The following ANKDD1B variants were observed in gnomAD, a reference collection of about 807,000 sequenced individuals.
ANKDD1B encodes ankyrin repeat and death domain-containing protein 1B.
Under a neutral mutation model 59.7 loss-of-function variants are expected in ANKDD1B, and 57 were observed. That is an observed-to-expected ratio of 0.95 (90% CI 0.77 to 1.19). The LOEUF (loss-of-function observed/expected upper bound fraction) is 1.19, where lower values mean the gene tolerates loss of function less well. Among genes scored for constraint, ANKDD1B ranks in the 50% most tolerant of loss-of-function variants. The pLI is 0.00. For missense variants in ANKDD1B, 602 were observed against 641.9 expected, an observed-to-expected ratio of 0.94 and a Z score of 0.67; for synonymous variants, 216 against 239.5, an observed-to-expected ratio of 0.90 and a Z score of 0.91.
At chr5:75,651,400 T>C (rs948548793) in intron 7 of ANKDD1B, among the ~76,000 whole-genome samples, 1 of 152,254 alleles carries the variant, frequency 6.6e-6, no homozygotes. Context: ...ATTTGGAGGA[T>C]GGCAGGAGTG....
chr5:75,629,900 T>A (rs1774103779), intron 5 of ANKDD1B, among the ~76,000 whole-genome samples: 1 of 152,232 alleles, frequency 6.6e-6, no homozygotes, highest in South Asian at 2.1e-4. Context: ...ATCATGCCAC[T>A]GCATTTCAGC....
chr5:75,619,123 C>T (rs1214093502), intron 2 of ANKDD1B, among the ~76,000 whole-genome samples: 7 of 152,236 alleles, frequency 4.6e-5, no homozygotes, highest in South Asian at 2.1e-4. Flanking sequence ...ATGGAGTCAC[C>T]GATATTAAGA....
intron 12 of ANKDD1B, among the ~76,000 whole-genome samples, chr5:75,668,450 T>A (rs1775371959): frequency 6.6e-6 from 1 of 152,208 alleles, no homozygotes; most frequent in South Asian, 2.1e-4. Flanking sequence ...ACAGAGGACT[T>A]GTCCAGGAGT....
In ANKDD1B at chr5:75,611,468, G is replaced by T; in HGVS notation, c.-167G>T. On this transcript the variant is annotated 5_prime_UTR_variant, in exon 1 of 14. Coordinates refer to ENST00000601380, the MANE Select transcript of ANKDD1B (RefSeq NM_001276713.2). ...CTAGGGGCTTGTTGCCCAGCGAACC[G>T]CCACAACAGAGAGCGGACTCGATCC... The T allele has an allele frequency of 2.1e-6, 1 of 466,536 alleles. No homozygotes were observed. The highest frequency in any genetic ancestry group is 3.5e-6 in the Non-Finnish European group (1 of 289,592). 28.9% of individuals were successfully genotyped at this position (466,536 alleles called of 1,614,324 possible). A position where few individuals can be genotyped will look rare whatever the true frequency, so the allele number is the denominator to read the frequency against.
chr5:75,642,486 G>A (rs61649644), intron 7 of ANKDD1B, among the ~76,000 whole-genome samples: 7,943 of 136,950 alleles, frequency 0.058, 282 homozygotes, highest in East Asian at 0.24. Context: ...AAGGGGTGAC[G>A]GACGCACCTG....
At chr5:75,658,807 C>A (rs1474575019) in intron 9 of ANKDD1B, among the ~76,000 whole-genome samples, 1 of 152,046 alleles carries the variant, frequency 6.6e-6, no homozygotes, top group African/African-American at 2.4e-5. Flanking sequence ...TAAAATCCAC[C>A]ATTTTAACCA....
intron 5 of ANKDD1B, among the ~76,000 whole-genome samples, chr5:75,631,235 G>T (rs1163165257): frequency 6.6e-6 from 1 of 152,188 alleles, no homozygotes; most frequent in Admixed American, 6.5e-5. Flanking sequence ...ATTATTTGTG[G>T]TCTCTGTGCA....
intron 9 of ANKDD1B, 130 bp downstream of exon 9, chr5:75,656,257 C>T (rs1351942631): frequency 2.0e-6 from 1 of 507,830 alleles, no homozygotes; most frequent in Non-Finnish European, 3.5e-6. Flanking sequence ...TCCTTTTTAT[C>T]CTTTTCCTTC....
intron 1 of ANKDD1B, among the ~76,000 whole-genome samples, chr5:75,614,569 A>AC (rs1180998213): frequency 6.6e-6 from 1 of 152,132 alleles, no homozygotes; most frequent in African/African-American, 2.4e-5. Flanking sequence ...CCATCTTGTA[A>AC]CCCCTTCATT....
At chr5:75,620,861 T>C (rs999611814) in intron 3 of ANKDD1B, among the ~76,000 whole-genome samples, 2 of 152,188 alleles carry the variant, frequency 1.3e-5, no homozygotes, top group African/African-American at 4.8e-5. Flanking sequence ...CTCCATCGTC[T>C]CCATGATCAG....
At chr5:75,623,037 C>T (rs1285298382) in intron 3 of ANKDD1B, among the ~76,000 whole-genome samples, 1 of 152,072 alleles carries the variant, frequency 6.6e-6, no homozygotes, top group Non-Finnish European at 1.5e-5. Flanking sequence ...AATAGATCTC[C>T]TATCAAAGAG....
chr5:75,662,442 A>C (rs1406380268), intron 10 of ANKDD1B, among the ~76,000 whole-genome samples: 1 of 152,152 alleles, frequency 6.6e-6, no homozygotes, highest in East Asian at 1.9e-4. Context: ...GTAAGATAAT[A>C]CTTGGGATAT....
rs568963933 is a variant in ANKDD1B, at chr5:75,630,507, C to A, written c.601-4391C>A. ...ATGTTTCATCTGTGGTAACTGTAGTCTTTTCTCAGAACCTCCCATCTCTTA... is the reference window on the plus strand; with the variant it reads ...ATGTTTCATCTGTGGTAACTGTAGTATTTTCTCAGAACCTCCCATCTCTTA... On this transcript the variant is annotated intron_variant, in intron 5 of 13. Coordinates refer to ENST00000601380, the MANE Select transcript of ANKDD1B (RefSeq NM_001276713.2). 3.3e-5 allele frequency among the ~76,000 whole-genome samples: 5 copies of A among 152,304 alleles called. No homozygotes were observed. In the East Asian group the frequency reaches 9.6e-4, roughly 29 times the overall value.
intron 7 of ANKDD1B, among the ~76,000 whole-genome samples, chr5:75,647,395 A>T: frequency 7.8e-6 from 1 of 127,906 alleles, no homozygotes. Context: ...GAATTCAAAC[A>T]AATTTACAAG....
Position 75,611,551 on chromosome 5 carries a change from G to T in ANKDD1B, c.-84G>T. On this transcript the variant is annotated 5_prime_UTR_variant, in exon 1 of 14. Transcript: ENST00000601380. Reference sequence around the variant, plus strand: ...AGCCCCCGCGCCCTGGGCCTGCCTGGGTCTGGATCTGTGTCCGAGTCTGGG... The same window carrying T: ...AGCCCCCGCGCCCTGGGCCTGCCTGTGTCTGGATCTGTGTCCGAGTCTGGG... 1.8e-6 allele frequency: 2 copies of T among 1,131,726 alleles called. No individual in the cohort carries two copies. The highest frequency in any genetic ancestry group is 9.2e-5 in the South Asian group (2 of 21,828). The allele number at this position is 1,131,726 out of a possible 1,614,324, so 70.1% of individuals were successfully genotyped here.
At chr5:75,626,653 AG>A (rs1402550290) in intron 5 of ANKDD1B, among the ~76,000 whole-genome samples, 2 of 152,228 alleles carry the variant, frequency 1.3e-5, no homozygotes, top group Non-Finnish European at 2.9e-5. Flanking sequence ...AAAAAGTGAG[AG>A]CCAGGACTTG....
chr5:75,650,214 A>C (rs1315585304), intron 7 of ANKDD1B, among the ~76,000 whole-genome samples: 1 of 152,226 alleles, frequency 6.6e-6, no homozygotes, highest in Non-Finnish European at 1.5e-5. Context: ...AAGGTTGCTA[A>C]TTGGCTGATC....
intron 2 of ANKDD1B, among the ~76,000 whole-genome samples, chr5:75,618,719 G>GC (rs1773774127): frequency 6.6e-6 from 1 of 152,146 alleles, no homozygotes; most frequent in African/African-American, 2.4e-5. Context: ...TTCAGACAAA[G>GC]TCATAATAAC....
At chr5:75,658,233 G>T (rs1026830090) in intron 9 of ANKDD1B, among the ~76,000 whole-genome samples, 5 of 152,044 alleles carry the variant, frequency 3.3e-5, no homozygotes, top group Non-Finnish European at 7.4e-5. Flanking sequence ...ATATATAAAT[G>T]TTTTTTGGTA....
Sources: allele counts gnomAD v4.1 joint callset (sites outside exome capture counted in the v4.1 genomes callset), GRCh38; gene constraint gnomAD v4.1.1; transcripts MANE v1.5; gene names NCBI Gene and HGNC (gene_info 2026-07-23, HGNC 2026-07-21).